Variants in WWOX observed in about 807,000 individuals in gnomAD.
WWOX encodes the protein WW domain-containing oxidoreductase.
Under a neutral mutation model 46.2 loss-of-function variants are expected in WWOX, and 69 were observed. The ratio of observed to expected loss-of-function variants is 1.49; its 90% CI spans 1.23 to 1.82. The LOEUF (loss-of-function observed/expected upper bound fraction) is 1.82, where lower values mean the gene tolerates loss of function less well. WWOX is among the 40% of genes most tolerant of loss of function. The pLI is 0.00. For missense variants in WWOX, 919 were observed against 542.6 expected, an observed-to-expected ratio of 1.69 and a Z score of -6.89; for synonymous variants, 359 against 202.6, an observed-to-expected ratio of 1.77 and a Z score of -6.56.
chr16:78,956,039 G>C (rs1383413805), intron 8 of WWOX, among the ~76,000 whole-genome samples: 1 of 151,866 alleles, frequency 6.6e-6, no homozygotes, highest in African/African-American at 2.4e-5. Flanking sequence ...GTTTTAGTTG[G>C]GGAGCCAAAA....
intron 8 of WWOX, among the ~76,000 whole-genome samples, chr16:79,170,356 T>C (rs1015988756): frequency 6.6e-6 from 1 of 152,194 alleles, no homozygotes; most frequent in Non-Finnish European, 1.5e-5. Context: ...GTAGCAAAGA[T>C]GGAATTTGAC....
At chr16:78,195,489 G>T (rs2036019646) in intron 5 of WWOX, among the ~76,000 whole-genome samples, 1 of 151,874 alleles carries the variant, frequency 6.6e-6, no homozygotes. Context: ...ATTTCCACAT[G>T]TTAAGATTGC....
At chr16:78,733,937 G>C (rs1027413309) in intron 8 of WWOX, among the ~76,000 whole-genome samples, 6 of 151,908 alleles carry the variant, frequency 3.9e-5, no homozygotes, top group Non-Finnish European at 5.9e-5. Flanking sequence ...AGGCACACCT[G>C]TGGTCCCAGG....
chr16:78,599,573 C>T (rs918477706), intron 8 of WWOX, among the ~76,000 whole-genome samples: 1 of 152,166 alleles, frequency 6.6e-6, no homozygotes, highest in Non-Finnish European at 1.5e-5. Flanking sequence ...TCCAGGCCTC[C>T]CCACTTAATT....
At chr16:78,881,063 C>T (rs1027929731) in intron 8 of WWOX, among the ~76,000 whole-genome samples, 1 of 146,476 alleles carries the variant, frequency 6.8e-6, no homozygotes, top group Non-Finnish European at 1.5e-5. Context: ...AGGATCACGG[C>T]TCACTGCAAC....
chr16:78,906,057 T>G (rs2044955558), intron 8 of WWOX, among the ~76,000 whole-genome samples: 1 of 152,206 alleles, frequency 6.6e-6, no homozygotes, highest in Admixed American at 6.5e-5. Flanking sequence ...ATGAATAACA[T>G]AGGCTACAGT....
intron 8 of WWOX, among the ~76,000 whole-genome samples, chr16:78,973,396 A>T (rs2046510178): frequency 6.6e-6 from 1 of 152,208 alleles, no homozygotes; most frequent in Non-Finnish European, 1.5e-5. Context: ...TCCACTTTTA[A>T]CAGCACAATA....
At chr16:78,975,931 G>T (rs1330431801) in intron 8 of WWOX, among the ~76,000 whole-genome samples, 1 of 152,128 alleles carries the variant, frequency 6.6e-6, no homozygotes, top group African/African-American at 2.4e-5. Flanking sequence ...CCTTTGCCCT[G>T]CCACCCTCCA....
At chr16:79,109,678 C>T (rs1446336802) in intron 8 of WWOX, among the ~76,000 whole-genome samples, 1 of 152,094 alleles carries the variant, frequency 6.6e-6, no homozygotes, top group African/African-American at 2.4e-5. Flanking sequence ...GTTTGGTGTT[C>T]ATTATTTATC....
At chr16:78,436,437 A>G (rs915348246) in intron 8 of WWOX, among the ~76,000 whole-genome samples, 1 of 152,212 alleles carries the variant, frequency 6.6e-6, no homozygotes, top group African/African-American at 2.4e-5. Context: ...CAGCTTTTAT[A>G]TGTCACAAAT....
chr16:78,978,174 A>G (rs370009210), intron 8 of WWOX, among the ~76,000 whole-genome samples: 207 of 152,312 alleles, frequency 1.4e-3, no homozygotes, highest in African/African-American at 4.7e-3. Context: ...TCAGTACTTC[A>G]TTCCCTTTTA....
At chr16:78,507,304 T>A (rs182011680) in intron 8 of WWOX, among the ~76,000 whole-genome samples, 1 of 152,310 alleles carries the variant, frequency 6.6e-6, no homozygotes, top group Admixed American at 6.5e-5. Flanking sequence ...ACATTCAAAA[T>A]GTAAATTGTG....
intron 8 of WWOX, among the ~76,000 whole-genome samples, chr16:78,946,846 G>A (rs1253184510): frequency 6.6e-6 from 1 of 152,084 alleles, no homozygotes; most frequent in Non-Finnish European, 1.5e-5. Context: ...AGGGCGTCAC[G>A]GTGTAAGAAT....
intron 8 of WWOX, among the ~76,000 whole-genome samples, chr16:78,924,046 G>A (rs1048914805): frequency 6.6e-6 from 1 of 152,018 alleles, no homozygotes; most frequent in Non-Finnish European, 1.5e-5. Context: ...TTGATATCCT[G>A]ATTTCGTGAT....
At chr16:78,601,308 T>C (rs1036071140) in intron 8 of WWOX, among the ~76,000 whole-genome samples, 1 of 152,170 alleles carries the variant, frequency 6.6e-6, no homozygotes, top group Non-Finnish European at 1.5e-5. Flanking sequence ...AACTCTGAAT[T>C]CTATAAACTG....
chr16:78,610,365 A>G (rs930917778), intron 8 of WWOX, among the ~76,000 whole-genome samples: 2 of 152,212 alleles, frequency 1.3e-5, no homozygotes, highest in African/African-American at 4.8e-5. Context: ...CATGTGTAAG[A>G]ATATTGAAGG....
At chr16:78,128,915 TA>T (rs1441673250) in intron 4 of WWOX, among the ~76,000 whole-genome samples, 1 of 152,224 alleles carries the variant, frequency 6.6e-6, no homozygotes, top group Admixed American at 6.5e-5. Context: ...CAAATGGCAT[TA>T]AAAATGCTGT....
At chr16:78,397,166 C>A (rs948416446) in intron 6 of WWOX, among the ~76,000 whole-genome samples, 7 of 152,118 alleles carry the variant, frequency 4.6e-5, no homozygotes, top group South Asian at 2.1e-4. Flanking sequence ...TTAAGTGGAA[C>A]AGTGTGCTTT....
At chr16:78,360,066 T>G (rs1362291589) in intron 5 of WWOX, among the ~76,000 whole-genome samples, 3 of 152,166 alleles carry the variant, frequency 2.0e-5, no homozygotes, top group African/African-American at 7.2e-5. Flanking sequence ...GATACCAATT[T>G]AAGCTTGTCA....
Sources: gnomAD v4.1 joint callset for allele counts (sites outside exome capture counted in the v4.1 genomes callset) on GRCh38, gnomAD v4.1.1 for gene constraint, MANE v1.5 for transcripts, NCBI Gene and HGNC (gene_info 2026-07-23, HGNC 2026-07-21) for gene names.